Variants in SLC44A5 observed in about 807,000 individuals in gnomAD.
SLC44A5 encodes solute carrier family 44 member 5, also known as choline transporter-like protein 5.
A neutral mutation model predicts 101.8 loss-of-function variants in SLC44A5; 57 were observed. That is an observed-to-expected ratio of 0.56 (90% CI 0.45 to 0.70). The LOEUF is 0.70. SLC44A5 is among the 30% of genes least tolerant of loss of function. SLC44A5 has a pLI of 0.00. For missense variants in SLC44A5, 737 were observed against 853.1 expected (o/e 0.86, Z 1.70); for synonymous variants, 281 against 290.9 (o/e 0.97, Z 0.35).
chr1:75,306,379 C>T (rs892586163), intron 4 of SLC44A5, among the ~76,000 whole-genome samples: 4 of 152,178 alleles, frequency 2.6e-5, no homozygotes, highest in African/African-American at 9.7e-5. Flanking sequence ...CCTTCACTGA[C>T]AGTCTAATGC....
At chr1:75,651,789 C>T in the SLC44A5 span, among the ~76,000 whole-genome samples, 1 of 151,988 alleles carries the variant, frequency 6.6e-6, no homozygotes, top group South Asian at 2.1e-4. Context: ...TGCTTCCCTC[C>T]TTGTTACAGT....
At chr1:75,374,441 A>G (rs1203346132) in intron 3 of SLC44A5, among the ~76,000 whole-genome samples, 7 of 152,164 alleles carry the variant, frequency 4.6e-5, no homozygotes, top group Admixed American at 4.6e-4. Flanking sequence ...GAAGGTGTGG[A>G]GAAGGTAGCC....
the SLC44A5 span, among the ~76,000 whole-genome samples, chr1:75,637,153 T>C: frequency 6.6e-6 from 1 of 152,006 alleles, no homozygotes; most frequent in Non-Finnish European, 1.5e-5. Context: ...AGCAACTCCA[T>C]TCCTCAGTAT....
At chr1:75,494,057 A>T (rs1668550704) in intron 2 of SLC44A5, among the ~76,000 whole-genome samples, 1 of 152,140 alleles carries the variant, frequency 6.6e-6, no homozygotes, top group African/African-American at 2.4e-5. Context: ...CTCACATTGA[A>T]ATTAACAAGT....
chr1:75,521,316 C>T (rs1778451), intron 2 of SLC44A5, among the ~76,000 whole-genome samples: 22,600 of 152,016 alleles, frequency 0.15, 1,869 homozygotes, highest in African/African-American at 0.2. Context: ...ACGTCTGGGA[C>T]GACATAAGCA....
At chr1:75,281,122 G>A (rs77173894) in intron 5 of SLC44A5, among the ~76,000 whole-genome samples, 1 of 152,150 alleles carries the variant, frequency 6.6e-6, no homozygotes, top group Non-Finnish European at 1.5e-5. Flanking sequence ...GACAGGTAGA[G>A]GTGGGAAAGT....
chr1:75,373,955 G>A (rs1017363404), intron 3 of SLC44A5, among the ~76,000 whole-genome samples: 16 of 152,178 alleles, frequency 1.1e-4, no homozygotes, highest in African/African-American at 3.6e-4. Flanking sequence ...GAACACTGAG[G>A]GAGTGTGGCC....
At chr1:75,393,564 A>C (rs896459874) in intron 3 of SLC44A5, among the ~76,000 whole-genome samples, 15 of 152,212 alleles carry the variant, frequency 9.9e-5, no homozygotes, top group Non-Finnish European at 2.2e-4. Flanking sequence ...CTTTAGGCTA[A>C]TATATTTGCT....
intron 19 of SLC44A5, among the ~76,000 whole-genome samples, 186 bp from the exon 20 acceptor site, chr1:75,214,864 A>G (rs1646930434): frequency 6.6e-6 from 1 of 152,142 alleles, no homozygotes; most frequent in Non-Finnish European, 1.5e-5. Context: ...TCTCAGTGTC[A>G]TTGACAGTCA....
intron 1 of SLC44A5, among the ~76,000 whole-genome samples, chr1:75,567,484 A>T (rs751025862): frequency 2.2e-4 from 33 of 152,324 alleles, no homozygotes; most frequent in Admixed American, 3.3e-4. Flanking sequence ...CTTCAGAGTA[A>T]TTGCTAATTC....
the SLC44A5 span, among the ~76,000 whole-genome samples, chr1:75,651,518 A>G: frequency 2.6e-5 from 4 of 152,000 alleles, no homozygotes; most frequent in South Asian, 8.4e-4. Flanking sequence ...AACACGGTGA[A>G]ACCTCCTCTC....
chr1:75,228,886 A>G (rs1647314969), intron 12 of SLC44A5, among the ~76,000 whole-genome samples: 1 of 151,732 alleles, frequency 6.6e-6, no homozygotes, highest in Non-Finnish European at 1.5e-5. Flanking sequence ...GTTAGCATGT[A>G]GGTAAAGCTA....
chr1:75,292,249 C>T (rs935365162), intron 5 of SLC44A5, among the ~76,000 whole-genome samples: 2 of 152,046 alleles, frequency 1.3e-5, no homozygotes, highest in Admixed American at 1.3e-4. Flanking sequence ...CTTGTCTTTA[C>T]TTGCTTAACT....
intron 5 of SLC44A5, among the ~76,000 whole-genome samples, chr1:75,298,386 C>T (rs1450124264): frequency 1.3e-5 from 2 of 152,110 alleles, no homozygotes; most frequent in African/African-American, 4.8e-5. Context: ...TAATTTACTA[C>T]TCAACACAGT....
the SLC44A5 span, among the ~76,000 whole-genome samples, chr1:75,673,217 C>A: frequency 6.6e-6 from 1 of 152,018 alleles, no homozygotes; most frequent in African/African-American, 2.4e-5. Context: ...CAGAGGGGAG[C>A]CCACTGCCCT....
intron 2 of SLC44A5, among the ~76,000 whole-genome samples, chr1:75,397,582 A>G (rs928123822): frequency 8.5e-5 from 13 of 152,172 alleles, no homozygotes; most frequent in African/African-American, 3.1e-4. Context: ...AACACTTACT[A>G]TGCACCAGGT....
chr1:75,212,174 C>A (rs1008051311), intron 22 of SLC44A5, among the ~76,000 whole-genome samples: 1 of 152,082 alleles, frequency 6.6e-6, no homozygotes, highest in African/African-American at 2.4e-5. Context: ...CTTTTGAATT[C>A]TTTTTAAACT....
chr1:75,607,681 T>C (rs1195194990), intron 1 of SLC44A5, among the ~76,000 whole-genome samples: 2 of 151,956 alleles, frequency 1.3e-5, no homozygotes, highest in African/African-American at 4.8e-5. Flanking sequence ...CATGCTGTTT[T>C]CATGATAGTA....
chr1:75,701,978 C>T, the SLC44A5 span, among the ~76,000 whole-genome samples: 2 of 152,020 alleles, frequency 1.3e-5, no homozygotes, highest in African/African-American at 2.4e-5. Context: ...TCAAGGAGAA[C>T]TACAAACCAC....
Sources: gnomAD v4.1 joint callset for allele counts (sites outside exome capture counted in the v4.1 genomes callset) on GRCh38, gnomAD v4.1.1 for gene constraint, MANE v1.5 for transcripts, NCBI Gene and HGNC (gene_info 2026-07-23, HGNC 2026-07-21) for gene names.